The following GALNTL5 variants were observed in gnomAD, a reference collection of about 807,000 sequenced individuals.
GALNTL5 encodes inactive polypeptide N-acetylgalactosaminyltransferase-like protein 5.
GALNTL5 carries 44 observed loss-of-function variants against 51.0 expected under a neutral mutation model. That is an observed-to-expected ratio of 0.86 (90% CI 0.68 to 1.11). The LOEUF is 1.11. Ranked by LOEUF, GALNTL5 falls within the 50% of genes least tolerant of loss-of-function variation. The pLI is 0.00. For synonymous variants in GALNTL5, 192 were observed against 182.8 expected, an observed-to-expected ratio of 1.05 and a Z score of -0.41; for missense variants, 528 against 531.8, an observed-to-expected ratio of 0.99 and a Z score of 0.07.
chr7:151,962,319 G>A (rs117730555), intron 1 of GALNTL5, among the ~76,000 whole-genome samples: 1,622 of 151,594 alleles, frequency 0.011, 17 homozygotes, highest in Non-Finnish European at 0.017. Context: ...TATTTTAAAC[G>A]GAGTTCTTAG....
At chr7:152,001,795 C>G (rs2081583829) in intron 5 of GALNTL5, among the ~76,000 whole-genome samples, 1 of 152,100 alleles carries the variant, frequency 6.6e-6, no homozygotes, top group African/African-American at 2.4e-5. Context: ...TGCACTAAAT[C>G]TGTAGATTAG....
intron 3 of GALNTL5, among the ~76,000 whole-genome samples, chr7:151,974,659 A>G (rs2081186145): frequency 6.6e-6 from 1 of 152,180 alleles, no homozygotes; most frequent in African/African-American, 2.4e-5. Context: ...GTATTAACAT[A>G]GAGAACAATA....
chr7:151,979,944 A>G (rs2081258486), intron 3 of GALNTL5, among the ~76,000 whole-genome samples: 1 of 152,298 alleles, frequency 6.6e-6, no homozygotes, highest in East Asian at 1.9e-4. Context: ...GACTGACTAT[A>G]ACATCAGAGA....
intron 1 of GALNTL5, among the ~76,000 whole-genome samples, chr7:151,964,870 C>A (rs2081038513): frequency 6.6e-6 from 1 of 152,200 alleles, no homozygotes; most frequent in Non-Finnish European, 1.5e-5. Flanking sequence ...CATCCCAGAA[C>A]AATTCTATCA....
intron 3 of GALNTL5, among the ~76,000 whole-genome samples, chr7:151,981,198 C>G (rs2151945936): frequency 1.3e-5 from 2 of 152,282 alleles, no homozygotes; most frequent in African/African-American, 4.8e-5. Flanking sequence ...GGGTCCTTGC[C>G]TATAAGAAAT....
At chr7:151,982,853 C>G (rs760551917) in intron 3 of GALNTL5, 133 bp from the exon 4 acceptor site, 26 of 1,565,684 alleles carry the variant, frequency 1.7e-5, no homozygotes, top group Middle Eastern at 1.7e-4. Context: ...GTACTGTCAC[C>G]TTATTACCAT....
At chr7:151,983,696 A>T (rs559998107) in intron 4 of GALNTL5, among the ~76,000 whole-genome samples, 1 of 152,288 alleles carries the variant, frequency 6.6e-6, no homozygotes, top group African/African-American at 2.4e-5. Context: ...ATCCTTGGAG[A>T]TAACTTCAGG....
At chr7:152,003,407 G>C (rs2151957294) in intron 6 of GALNTL5, among the ~76,000 whole-genome samples, 1 of 152,332 alleles carries the variant, frequency 6.6e-6, no homozygotes, top group South Asian at 2.1e-4. Flanking sequence ...TCAATGGCAT[G>C]TCTGGAATTG....
intron 3 of GALNTL5, among the ~76,000 whole-genome samples, chr7:151,975,650 A>G (rs1289093197): frequency 6.6e-6 from 1 of 151,902 alleles, no homozygotes; most frequent in African/African-American, 2.4e-5. Flanking sequence ...CAGGTATAAC[A>G]TTAGGTTGTG....
At chr7:152,005,618 G>A (rs1220412048) in intron 6 of GALNTL5, among the ~76,000 whole-genome samples, 1 of 152,150 alleles carries the variant, frequency 6.6e-6, no homozygotes, top group Non-Finnish European at 1.5e-5. Flanking sequence ...GGATGGGCCA[G>A]AAGGACCTAC....
chr7:151,963,546 G>A (rs1243230791), intron 1 of GALNTL5, among the ~76,000 whole-genome samples: 3 of 152,106 alleles, frequency 2.0e-5, no homozygotes, highest in African/African-American at 7.2e-5. Flanking sequence ...TATAGACGTG[G>A]GCAATCATGC....
intron 7 of GALNTL5, 35 bp from the exon 8 acceptor site, chr7:152,014,609 T>G (rs377590901): frequency 7.0e-6 from 11 of 1,571,496 alleles, no homozygotes; most frequent in Non-Finnish European, 8.6e-6. Context: ...GCAGTAATAA[T>G]GCATTCGTAT....
At chr7:151,978,054 T>C (rs2081229674) in intron 3 of GALNTL5, among the ~76,000 whole-genome samples, 1 of 152,176 alleles carries the variant, frequency 6.6e-6, no homozygotes, top group Admixed American at 6.5e-5. Context: ...CTTTATTGGT[T>C]CATTTTTATT....
chr7:151,991,779 G>A (rs1303974588), intron 5 of GALNTL5, among the ~76,000 whole-genome samples: 3 of 152,066 alleles, frequency 2.0e-5, no homozygotes, highest in African/African-American at 7.2e-5. Flanking sequence ...ACTTCATTCT[G>A]CAAGTGTCTT....
At chr7:151,967,922 G>A (rs925922681) in intron 2 of GALNTL5, among the ~76,000 whole-genome samples, 10 of 152,056 alleles carry the variant, frequency 6.6e-5, no homozygotes, top group Non-Finnish European at 2.9e-5. Flanking sequence ...TAGGTATTCT[G>A]ATACACATAT....
intron 3 of GALNTL5, among the ~76,000 whole-genome samples, chr7:151,974,440 G>A (rs978633995): frequency 6.6e-6 from 1 of 152,160 alleles, no homozygotes; most frequent in Non-Finnish European, 1.5e-5. Context: ...AACTAAATGA[G>A]AAGTACTTAC....
chr7:151,992,888 C>T (rs1353000945), intron 5 of GALNTL5, among the ~76,000 whole-genome samples: 2 of 151,594 alleles, frequency 1.3e-5, no homozygotes, highest in African/African-American at 4.9e-5. Context: ...ACCCACTTCA[C>T]ACACGTGCTC....
intron 3 of GALNTL5, among the ~76,000 whole-genome samples, chr7:151,981,178 G>C (rs1015219019): frequency 1.3e-5 from 2 of 152,174 alleles, no homozygotes; most frequent in African/African-American, 4.8e-5. Flanking sequence ...AGTCCCACCA[G>C]TTTCTCCTTG....
chr7:152,010,153 G>A (rs1003202815), intron 7 of GALNTL5, among the ~76,000 whole-genome samples: 3 of 150,972 alleles, frequency 2.0e-5, no homozygotes, highest in South Asian at 2.1e-4. Flanking sequence ...TTGCTCTGTC[G>A]CCAGGCTGGA....
Sources: gnomAD v4.1 joint callset for allele counts (sites outside exome capture counted in the v4.1 genomes callset) on GRCh38, gnomAD v4.1.1 for gene constraint, MANE v1.5 for transcripts, NCBI Gene and HGNC (gene_info 2026-07-23, HGNC 2026-07-21) for gene names.